The following ZCCHC10 variants were observed in gnomAD, a reference collection of about 807,000 sequenced individuals.
The protein encoded by ZCCHC10 is zinc finger CCHC domain-containing protein 10.
Under a neutral mutation model 19.5 loss-of-function variants are expected in ZCCHC10, and 16 were observed. The observed-to-expected ratio is 0.82, with a 90% CI of 0.56 to 1.25. The LOEUF (loss-of-function observed/expected upper bound fraction) is 1.25. Among genes scored for constraint, ZCCHC10 ranks in the 50% most tolerant of loss-of-function variants. The pLI, the probability that ZCCHC10 is intolerant of heterozygous loss-of-function variation, is 0.00. For missense variants in ZCCHC10, 197 were observed against 201.0 expected, an observed-to-expected ratio of 0.98 and a Z score of 0.12; for synonymous variants, 67 against 72.5, an observed-to-expected ratio of 0.92 and a Z score of 0.38.
At chr5:133,026,108 A>G (rs1394550207) in intron 1 of ZCCHC10, among the ~76,000 whole-genome samples, 2 of 152,212 alleles carry the variant, frequency 1.3e-5, no homozygotes, top group Non-Finnish European at 2.9e-5. Context: ...TGGGCTGGAC[A>G]CTGAATAGGA....
intron 2 of ZCCHC10, among the ~76,000 whole-genome samples, chr5:133,020,893 TGTA>T: frequency 1.3e-5 from 2 of 151,038 alleles, no homozygotes; most frequent in South Asian, 4.2e-4. Context: ...GCTAATTTTT[TGTA>T]TTTATTATTT....
At chr5:133,000,008 A>G (rs2126537102) in intron 4 of ZCCHC10, 124 bp downstream of exon 4, 1 of 1,102,460 alleles carries the variant, frequency 9.1e-7, no homozygotes, top group South Asian at 1.6e-5. Context: ...TTGGCCTCCC[A>G]AAGTGCTGGG....
intron 2 of ZCCHC10, among the ~76,000 whole-genome samples, chr5:133,018,147 A>T (rs1168475010): frequency 2.7e-5 from 2 of 75,282 alleles, no homozygotes; most frequent in Admixed American, 2.2e-4. Context: ...TCTGTCTCAA[A>T]AAAAAAAAAA....
At chr5:133,020,638 AAAG>A (rs1426364229) in intron 2 of ZCCHC10, among the ~76,000 whole-genome samples, 3 of 151,634 alleles carry the variant, frequency 2.0e-5, no homozygotes, top group Non-Finnish European at 4.4e-5. Flanking sequence ...AAAAAAAAAA[AAAG>A]AGCTATTAGA....
chr5:133,020,779 G>A (rs1278866154), intron 2 of ZCCHC10, among the ~76,000 whole-genome samples: 1 of 151,892 alleles, frequency 6.6e-6, no homozygotes, highest in African/African-American at 2.4e-5. Flanking sequence ...GGAGTGCAGT[G>A]GTGCAATATT....
At chr5:133,016,693 T>C (rs1033945892) in intron 2 of ZCCHC10, among the ~76,000 whole-genome samples, 1 of 152,168 alleles carries the variant, frequency 6.6e-6, no homozygotes, top group African/African-American at 2.4e-5. Context: ...TCTGCCCGCC[T>C]CAGCCTCCCA....
chr5:133,008,643 T>C (rs755267620), intron 2 of ZCCHC10, among the ~76,000 whole-genome samples: 29 of 151,654 alleles, frequency 1.9e-4, no homozygotes, highest in Non-Finnish European at 3.1e-4. Context: ...GGTGGAAAGA[T>C]TGCTTGAGGC....
intron 3 of ZCCHC10, among the ~76,000 whole-genome samples, chr5:133,003,986 A>T (rs1418726578): frequency 6.6e-6 from 1 of 152,212 alleles, no homozygotes; most frequent in Non-Finnish European, 1.5e-5. Flanking sequence ...CTGGAATTAC[A>T]GGCATGAACC....
chr5:133,013,782 T>C (rs1763732232), intron 2 of ZCCHC10, among the ~76,000 whole-genome samples: 1 of 145,362 alleles, frequency 6.9e-6, no homozygotes, highest in African/African-American at 2.7e-5. Context: ...GAATACAAAT[T>C]GGTACAACTA....
intron 2 of ZCCHC10, among the ~76,000 whole-genome samples, chr5:133,011,624 TAAAAAAAAAAA>T (rs1194165056): frequency 2.2e-5 from 1 of 44,784 alleles, no homozygotes. Context: ...AGACTCCATC[TAAAAAAAAAAA>T]AAAAAAAAAA....
intron 4 of ZCCHC10, 100 bp from the exon 5 acceptor site, chr5:132,998,950 C>G: frequency 6.7e-7 from 1 of 1,489,252 alleles, no homozygotes; most frequent in Non-Finnish European, 9.0e-7. Context: ...GAGTCTTGCT[C>G]TGTTGCCCAG....
intron 4 of ZCCHC10, among the ~76,000 whole-genome samples, chr5:132,999,584 A>G (rs1017259216): frequency 2.0e-5 from 3 of 152,204 alleles, no homozygotes; most frequent in African/African-American, 7.2e-5. Context: ...CTAAGCCAAG[A>G]GAAGACAATT....
At chr5:133,025,520 A>AG (rs1561562960) in intron 1 of ZCCHC10, among the ~76,000 whole-genome samples, 26 of 149,692 alleles carry the variant, frequency 1.7e-4, no homozygotes, top group African/African-American at 3.7e-4. Context: ...AAAAAAAAAA[A>AG]AAAAAAAAAA....
intron 2 of ZCCHC10, among the ~76,000 whole-genome samples, chr5:133,016,213 G>A (rs777940986): frequency 1.0e-4 from 15 of 149,342 alleles, no homozygotes; most frequent in East Asian, 2.0e-4. Context: ...GGGCACACAC[G>A]TGCTTGCTGT....
chr5:133,022,941 G>A (rs1321749448), intron 1 of ZCCHC10, 35 bp from the exon 2 acceptor site: 2 of 510,346 alleles, frequency 3.9e-6, no homozygotes, highest in African/African-American at 2.0e-5. Flanking sequence ...ACAAAGGTAA[G>A]TCTGACACTT....
chr5:133,012,451 G>C (rs1394343132), intron 2 of ZCCHC10, among the ~76,000 whole-genome samples: 1 of 147,106 alleles, frequency 6.8e-6, no homozygotes, highest in Non-Finnish European at 1.5e-5. Flanking sequence ...CTAGGCAACA[G>C]AGTGAGACTC....
chr5:132,998,283 CATTT>C lies in ZCCHC10; in HGVS notation c.*296_*299del, dbSNP rs1362914703. ...CACTAACATATATAACAAAGTATGG[CATTT>C]ATTTCACAGAGAGAAAAGATAGTTT... On this transcript the variant is annotated 3_prime_UTR_variant, in exon 5 of 5. Transcript: ENST00000509437. The C allele has an allele frequency of 3.6e-6, 1 of 277,760 alleles. No homozygotes were observed. The highest frequency in any genetic ancestry group is 6.9e-6 in the Non-Finnish European group (1 of 144,468). The allele number at this position is 277,760 out of a possible 1,614,324, so 17.2% of individuals were successfully genotyped here.
intron 2 of ZCCHC10, among the ~76,000 whole-genome samples, chr5:133,016,250 G>A (rs989556184): frequency 1.3e-5 from 2 of 152,134 alleles, no homozygotes; most frequent in African/African-American, 4.8e-5. Flanking sequence ...TCCAGTTAGT[G>A]TCAGTGGACA....
chr5:133,006,141 T>C (rs527759619), intron 3 of ZCCHC10, among the ~76,000 whole-genome samples: 130 of 151,874 alleles, frequency 8.6e-4, no homozygotes, highest in African/African-American at 3.0e-3. Flanking sequence ...CCTGCCACTA[T>C]GCCCGGCTAA....
Sources: allele counts gnomAD v4.1 joint callset (sites outside exome capture counted in the v4.1 genomes callset), GRCh38; gene constraint gnomAD v4.1.1; transcripts MANE v1.5; gene names NCBI Gene and HGNC (gene_info 2026-07-23, HGNC 2026-07-21).